The following ITGA9 variants were observed in gnomAD, a reference collection of about 807,000 sequenced individuals.
ITGA9 encodes integrin alpha-9.
ITGA9 carries 56 observed loss-of-function variants against 127.8 expected under a neutral mutation model. That is an observed-to-expected ratio of 0.44 (90% CI 0.35 to 0.55). The LOEUF is 0.55. ITGA9 is among the 20% of genes least tolerant of loss of function. The pLI is 0.00. For missense variants in ITGA9, 1,196 were observed against 1,347.1 expected (o/e 0.89, Z 1.76); for synonymous variants, 508 against 514.5 (o/e 0.99, Z 0.17).
chr3:37,788,747 A>T (rs1697070109), intron 26 of ITGA9, among the ~76,000 whole-genome samples: 2 of 151,992 alleles, frequency 1.3e-5, no homozygotes. Flanking sequence ...TCTCTCTTTC[A>T]ACTAGCATTA....
chr3:37,717,097 A>G (rs1420961845), intron 18 of ITGA9, among the ~76,000 whole-genome samples: 3 of 152,160 alleles, frequency 2.0e-5, no homozygotes, highest in East Asian at 3.8e-4. Flanking sequence ...CTAAGCTGGT[A>G]TATGTTTCTC....
chr3:37,508,746 G>A (rs1698871269), intron 8 of ITGA9, 119 bp downstream of exon 8: 2 of 767,608 alleles, frequency 2.6e-6, no homozygotes, highest in South Asian at 2.9e-5. Context: ...ATATGGCAGT[G>A]CTGTCTGCTT....
At chr3:37,495,517 T>G (rs1559520360) in intron 5 of ITGA9, among the ~76,000 whole-genome samples, 2 of 152,334 alleles carry the variant, frequency 1.3e-5, no homozygotes, top group South Asian at 4.1e-4. Context: ...TACTTTTTAC[T>G]TCTAATTCAT....
intron 15 of ITGA9, among the ~76,000 whole-genome samples, chr3:37,586,995 C>G (rs1357310756): frequency 6.6e-6 from 1 of 152,142 alleles, no homozygotes; most frequent in Non-Finnish European, 1.5e-5. Flanking sequence ...GCTGTGATGC[C>G]CACATGTTTT....
chr3:37,522,235 G>A (rs1699051302), intron 11 of ITGA9, among the ~76,000 whole-genome samples: 1 of 152,050 alleles, frequency 6.6e-6, no homozygotes, highest in Admixed American at 6.6e-5. Context: ...CCTCCCCTGG[G>A]GGACCATGCA....
intron 26 of ITGA9, among the ~76,000 whole-genome samples, chr3:37,793,235 C>T (rs1469580379): frequency 6.6e-6 from 1 of 151,934 alleles, no homozygotes; most frequent in Non-Finnish European, 1.5e-5. Flanking sequence ...TCACTGGACC[C>T]GTGGGCTCTA....
chr3:37,566,829 C>T (rs1489471759), intron 15 of ITGA9, among the ~76,000 whole-genome samples: 1 of 152,214 alleles, frequency 6.6e-6, no homozygotes, highest in Middle Eastern at 3.2e-3. Context: ...TGAGAAGGAA[C>T]ATGAACCATG....
In ITGA9 at chr3:37,724,640, C is replaced by T. The variant is rs60071513; in HGVS notation, c.2068-8072C>T. ...CCTCCCAAGTAGCTGGGATTACAGG[C>T]ATCTGCCCACCACGCCCAGCTAATT... On this transcript the variant is annotated intron_variant, in intron 18 of 27. Transcript: ENST00000264741. Among the ~76,000 whole-genome samples the T allele has an allele frequency of 6.7e-3, 1,016 of 152,226 alleles. 15 individuals carry two copies. Among genetic ancestry groups the T allele is most frequent in the African/African-American group, 0.023 (951 of 41,522 alleles).
At chr3:37,520,960 G>T (rs1488039619) in intron 11 of ITGA9, among the ~76,000 whole-genome samples, 3 of 152,212 alleles carry the variant, frequency 2.0e-5, no homozygotes, top group Non-Finnish European at 4.4e-5. Flanking sequence ...GTTTTGTTTG[G>T]TTGCTGGGTG....
At chr3:37,531,532 G>C (rs1030299960) in intron 13 of ITGA9, among the ~76,000 whole-genome samples, 1 of 152,146 alleles carries the variant, frequency 6.6e-6, no homozygotes, top group Non-Finnish European at 1.5e-5. Flanking sequence ...CTTCTGCAGA[G>C]CTCTTTTGTG....
intron 4 of ITGA9, among the ~76,000 whole-genome samples, chr3:37,491,228 C>T (rs1204611216): frequency 2.0e-5 from 3 of 152,182 alleles, no homozygotes; most frequent in African/African-American, 7.2e-5. Flanking sequence ...CTGCCTGCCT[C>T]GGCCTCCCAA....
chr3:37,466,162 A>G (rs1487652511), intron 1 of ITGA9, among the ~76,000 whole-genome samples: 1 of 152,052 alleles, frequency 6.6e-6, no homozygotes, highest in Admixed American at 6.6e-5. Flanking sequence ...TTAGAAGTTT[A>G]GAGTCCTGCA....
chr3:37,696,707 G>A lies in ITGA9; in HGVS notation c.2067+12692G>A, dbSNP rs1008647534. Reference sequence around the variant, plus strand: ...AGCCCAGCATAGTTATTATTGTCCCGAGTCTAAACATGATATTTCTGTTAA... The same window carrying A: ...AGCCCAGCATAGTTATTATTGTCCCAAGTCTAAACATGATATTTCTGTTAA... On this transcript the variant is annotated intron_variant, in intron 18 of 27. Transcript: ENST00000264741. 5.3e-5 allele frequency among the ~76,000 whole-genome samples: 8 copies of A among 152,140 alleles called. No individual in the cohort carries two copies. The East Asian group carries it at 7.7e-4, about 15-fold the overall frequency.
At chr3:37,762,241 A>G (rs1553666800) in intron 23 of ITGA9, among the ~76,000 whole-genome samples, 1 of 152,202 alleles carries the variant, frequency 6.6e-6, no homozygotes, top group Non-Finnish European at 1.5e-5. Flanking sequence ...TCACTGAAAA[A>G]TCAACTCAGA....
At chr3:37,503,662 A>G (rs1698812222) in intron 6 of ITGA9, among the ~76,000 whole-genome samples, 1 of 152,238 alleles carries the variant, frequency 6.6e-6, no homozygotes, top group African/African-American at 2.4e-5. Context: ...GTCCCTTTGG[A>G]TGGAGTCCTT....
At position 37,629,270 on chromosome 3, in the gene ITGA9, G is replaced by T; in HGVS notation, c.1773G>T (p.Arg591Ser). Residue 591 changes from arginine to serine, a missense_variant, in exon 16 of 28, where the codon AGG becomes AGT. Physicochemically the swap from Arg to Ser is moderately radical, Grantham distance 110. Coordinates refer to ENST00000264741, the MANE Select transcript of ITGA9 (RefSeq NM_002207.3). The surrounding 1 kb of genome is among the most constrained non-coding windows in gnomAD (Gnocchi z 4.5). ...LSEHVTGEEERELPPLTPVLR... is the reference protein window; with the variant it reads ...LSEHVTGEEESELPPLTPVLR... Reference sequence around the variant, plus strand: ...AGCATGTGACTGGAGAGGAGGAGAGGGAACTGCCGCCTCTGACACCAGTTC... The same window carrying T: ...AGCATGTGACTGGAGAGGAGGAGAGTGAACTGCCGCCTCTGACACCAGTTC... 6.2e-7 allele frequency: 1 copy of T among 1,614,014 alleles called. No individual in the cohort carries two copies. The highest frequency in any genetic ancestry group is 8.5e-7 in the Non-Finnish European group (1 of 1,180,002).
intron 15 of ITGA9, among the ~76,000 whole-genome samples, chr3:37,563,866 G>A (rs1038643474): frequency 1.3e-5 from 2 of 152,164 alleles, no homozygotes; most frequent in Non-Finnish European, 2.9e-5. Context: ...TGCTCCAGCT[G>A]ATCATTTTTA....
intron 18 of ITGA9, 145 bp from the exon 19 acceptor site, chr3:37,732,567 T>A: frequency 1.4e-6 from 1 of 705,870 alleles, no homozygotes; most frequent in Non-Finnish European, 2.6e-6. Flanking sequence ...GGAAGGGGGC[T>A]GGAGACGGCC....
chr3:37,714,974 G>A (rs1701119442), intron 18 of ITGA9, among the ~76,000 whole-genome samples: 1 of 152,174 alleles, frequency 6.6e-6, no homozygotes, highest in Non-Finnish European at 1.5e-5. Context: ...CCCTCTCTGG[G>A]TCTCTGTGTC....
Sources: allele counts gnomAD v4.1 joint callset (sites outside exome capture counted in the v4.1 genomes callset), GRCh38; gene constraint gnomAD v4.1.1; non-coding constraint Gnocchi (gnomAD v3.1); transcripts MANE v1.5; gene names NCBI Gene and HGNC (gene_info 2026-07-23, HGNC 2026-07-21).